The following LNP1 variants were observed in gnomAD, a reference collection of about 807,000 sequenced individuals.
LNP1 encodes leukemia NUP98 fusion partner 1.
In LNP1, 12 loss-of-function variants were observed where a neutral mutation model predicts 14.5. That is an observed-to-expected ratio of 0.83 (90% confidence interval 0.53 to 1.34). The LOEUF (loss-of-function observed/expected upper bound fraction) is 1.34. Among genes scored for constraint, LNP1 ranks in the 40% most tolerant of loss-of-function variants. The pLI, the probability that LNP1 is intolerant of heterozygous loss-of-function variation, is 0.00. For synonymous variants in LNP1, 75 were observed against 71.4 expected (o/e 1.05, Z -0.26); for missense variants, 198 against 210.9 (o/e 0.94, Z 0.38).
intron 2 of LNP1, among the ~76,000 whole-genome samples, chr3:100,443,652 C>A (rs188156274): frequency 6.6e-6 from 1 of 152,240 alleles, no homozygotes; most frequent in African/African-American, 2.4e-5. Context: ...GACAAGTTTG[C>A]GGCCAGTTTT....
At chr3:100,418,431 CT>C (rs910966232) in intron 1 of LNP1, among the ~76,000 whole-genome samples, 78 of 144,266 alleles carry the variant, frequency 5.4e-4, no homozygotes, top group Middle Eastern at 3.6e-3. Context: ...TTTGTAGGTA[CT>C]TTTTTTTTTT....
chr3:100,413,103 A>G (rs1439050025), intron 1 of LNP1, among the ~76,000 whole-genome samples: 2 of 152,196 alleles, frequency 1.3e-5, no homozygotes, highest in African/African-American at 4.8e-5. Context: ...TACTTCCATC[A>G]CAACCACCTT....
At chr3:100,425,224 C>G (rs1390426082) in intron 1 of LNP1, among the ~76,000 whole-genome samples, 1 of 152,220 alleles carries the variant, frequency 6.6e-6, no homozygotes, top group Non-Finnish European at 1.5e-5. Context: ...GCAGAGCCCC[C>G]AGTGTGTCTT....
In LNP1 at chr3:100,451,700, T is replaced by A. The variant is rs1189852525; in HGVS notation, c.157-19T>A. 2.1e-6 allele frequency: 3 copies of A among 1,410,002 alleles called. No homozygotes were observed. The highest frequency in any genetic ancestry group is 3.0e-6 in the Non-Finnish European group (3 of 995,988). The allele number at this position is 1,410,002 out of a possible 1,614,324, so 87.3% of individuals were successfully genotyped here. ...CACAGTCCTTTTATACTGTAAATTT[T>A]TTCATTCTGTATTCTCAGCTTCCTG... On this transcript the variant is annotated intron_variant, in intron 2 of 3. Transcript: ENST00000383693.
At chr3:100,410,998 G>A (rs1307847544) in intron 1 of LNP1, among the ~76,000 whole-genome samples, 3 of 152,138 alleles carry the variant, frequency 2.0e-5, no homozygotes, top group Admixed American at 6.5e-5. Flanking sequence ...CTAGCAGAGA[G>A]CTTGTGGACT....
chr3:100,416,916 T>C (rs1707090142), intron 1 of LNP1, among the ~76,000 whole-genome samples: 1 of 152,018 alleles, frequency 6.6e-6, no homozygotes, highest in Non-Finnish European at 1.5e-5. Context: ...CAGGTGTATG[T>C]TGTTCCCCTT....
chr3:100,453,086 G>A (rs73860645), intron 3 of LNP1, among the ~76,000 whole-genome samples: 3,381 of 152,220 alleles, frequency 0.022, 121 homozygotes, highest in African/African-American at 0.076. Flanking sequence ...TGGGTGCTTC[G>A]TATTTCATTG....
intron 1 of LNP1, among the ~76,000 whole-genome samples, chr3:100,406,218 G>A (rs750404682): frequency 2.6e-5 from 4 of 152,010 alleles, no homozygotes; most frequent in African/African-American, 7.3e-5. Flanking sequence ...CCCCAGAGGC[G>A]GAGGTTGCAG....
intron 3 of LNP1, among the ~76,000 whole-genome samples, chr3:100,452,152 G>T (rs1707466317): frequency 6.6e-6 from 1 of 151,454 alleles, no homozygotes; most frequent in African/African-American, 2.4e-5. Flanking sequence ...ATCTGGTATA[G>T]GAAGATTTCC....
intron 1 of LNP1, among the ~76,000 whole-genome samples, chr3:100,403,962 C>T (rs184436073): frequency 1.7e-4 from 26 of 152,334 alleles, no homozygotes; most frequent in Admixed American, 9.1e-4. Flanking sequence ...TCCAAACCTT[C>T]CAGCCAGTGC....
chr3:100,444,427 C>T (rs1707370538), intron 2 of LNP1, among the ~76,000 whole-genome samples: 1 of 152,110 alleles, frequency 6.6e-6, no homozygotes, highest in East Asian at 1.9e-4. Flanking sequence ...AGAAATACAG[C>T]CCTAAGAAAA....
chr3:100,403,130 G>A (rs898018945), intron 1 of LNP1, among the ~76,000 whole-genome samples: 1 of 152,104 alleles, frequency 6.6e-6, no homozygotes, highest in Non-Finnish European at 1.5e-5. Context: ...TTACTGATCT[G>A]ATGCATGTTT....
intron 2 of LNP1, among the ~76,000 whole-genome samples, chr3:100,442,542 G>A (rs2148906398): frequency 6.6e-6 from 1 of 152,274 alleles, no homozygotes; most frequent in East Asian, 1.9e-4. Context: ...AAGTGGGGAG[G>A]GGGCTTCCAG....
At chr3:100,441,871 G>C (rs949153905) in intron 2 of LNP1, among the ~76,000 whole-genome samples, 1 of 151,922 alleles carries the variant, frequency 6.6e-6, no homozygotes, top group Non-Finnish European at 1.5e-5. Flanking sequence ...CACTATGCTG[G>C]CCAGGCTGGT....
chr3:100,452,288 G>A (rs1483792175), intron 3 of LNP1, among the ~76,000 whole-genome samples: 5 of 147,266 alleles, frequency 3.4e-5, no homozygotes, highest in African/African-American at 1.0e-4. Flanking sequence ...CTGCAGCCTC[G>A]AACTCCTGGT....
chr3:100,454,441 T>C (rs935654096), intron 3 of LNP1, among the ~76,000 whole-genome samples: 1 of 152,210 alleles, frequency 6.6e-6, no homozygotes, highest in African/African-American at 2.4e-5. Context: ...TCTTTTTCAG[T>C]AAATTTAAAA....
chr3:100,443,714 G>A (rs1200888714), intron 2 of LNP1, among the ~76,000 whole-genome samples: 2 of 152,208 alleles, frequency 1.3e-5, no homozygotes, highest in African/African-American at 4.8e-5. Flanking sequence ...TTAAAGGAAA[G>A]CACACCATTC....
chr3:100,430,107 T>C (rs546337791), intron 2 of LNP1, among the ~76,000 whole-genome samples: 11 of 152,342 alleles, frequency 7.2e-5, no homozygotes, highest in Non-Finnish European at 1.3e-4. Flanking sequence ...TTTTTAGTTG[T>C]CTGAGATATC....
chr3:100,455,698 A>C, intron 3 of LNP1, 79 bp from the exon 4 acceptor site: 5 of 1,370,248 alleles, frequency 3.6e-6, no homozygotes, highest in Non-Finnish European at 4.1e-6. Context: ...GGCTTTCTCC[A>C]TGTCTGATTA....
Sources: gnomAD v4.1 joint callset for allele counts (sites outside exome capture counted in the v4.1 genomes callset) on GRCh38, gnomAD v4.1.1 for gene constraint, MANE v1.5 for transcripts, NCBI Gene and HGNC (gene_info 2026-07-23, HGNC 2026-07-21) for gene names.